BCKDHB: variants seen among roughly 807,000 people sequenced by gnomAD.
The protein encoded by BCKDHB is branched chain keto acid dehydrogenase E1 subunit beta, also known as 2-oxoisovalerate dehydrogenase subunit beta, mitochondrial.
BCKDHB carries 41 observed loss-of-function variants against 48.5 expected under a neutral mutation model. The observed-to-expected ratio is 0.85, with a 90% CI of 0.66 to 1.10. The LOEUF is 1.10. BCKDHB is among the 50% of genes least tolerant of loss of function. The probability of loss-of-function intolerance (pLI) is 0.00; values close to 1 mark genes in which losing one functional copy is unlikely to be tolerated. For missense variants in BCKDHB, 496 were observed against 494.2 expected (o/e 1.00, Z -0.03); for synonymous variants, 201 against 174.8 (o/e 1.15, Z -1.18).
intron 8 of BCKDHB, among the ~76,000 whole-genome samples, chr6:80,230,782 G>A (rs1190555255): frequency 1.3e-5 from 2 of 152,180 alleles, no homozygotes; most frequent in Non-Finnish European, 2.9e-5. Flanking sequence ...GCAAGAGAGA[G>A]AAGGAAGGGG....
At chr6:80,170,014 C>T in intron 5 of BCKDHB, 1 of 1,114,630 alleles carries the variant, frequency 9.0e-7, no homozygotes, top group East Asian at 3.2e-5. Context: ...TTCTCTTTTC[C>T]TCCTTCATTT....
At chr6:80,455,948 G>C in the BCKDHB span, among the ~76,000 whole-genome samples, 6 of 152,142 alleles carry the variant, frequency 3.9e-5, no homozygotes, top group African/African-American at 1.4e-4. Flanking sequence ...ACCTTCGCTG[G>C]GCGCGGTGGC....
At chr6:80,110,801 T>G (rs1769371766) in intron 1 of BCKDHB, among the ~76,000 whole-genome samples, 1 of 152,230 alleles carries the variant, frequency 6.6e-6, no homozygotes, top group Non-Finnish European at 1.5e-5. Context: ...CTTTCCTTGC[T>G]TCCAGCTTAA....
chr6:80,127,082 C>T (rs779837030), intron 1 of BCKDHB, among the ~76,000 whole-genome samples: 24 of 152,186 alleles, frequency 1.6e-4, no homozygotes, highest in Non-Finnish European at 2.2e-4. Flanking sequence ...CCAGCAGTTC[C>T]GGGTACCAAA....
intron 9 of BCKDHB, among the ~76,000 whole-genome samples, chr6:80,292,334 A>G (rs1276803281): frequency 2.0e-5 from 3 of 152,238 alleles, no homozygotes; most frequent in Non-Finnish European, 4.4e-5. Context: ...ACAGTTCCAC[A>G]TGGCTGGAGA....
the BCKDHB span, among the ~76,000 whole-genome samples, chr6:80,385,859 G>A: frequency 7.2e-5 from 11 of 152,294 alleles, no homozygotes; most frequent in Middle Eastern, 3.4e-3. Flanking sequence ...AATGGTGGAA[G>A]CAACATAGAG....
chr6:80,382,700 A>G, the BCKDHB span, among the ~76,000 whole-genome samples: 3 of 152,146 alleles, frequency 2.0e-5, no homozygotes, highest in African/African-American at 7.2e-5. Context: ...ATATATATAT[A>G]TATTCATTTC....
the BCKDHB span, among the ~76,000 whole-genome samples, chr6:80,396,049 A>G: frequency 6.6e-6 from 1 of 152,232 alleles, no homozygotes; most frequent in South Asian, 2.1e-4. Context: ...AGTTTGCTGT[A>G]GAGGCAGAGC....
intron 8 of BCKDHB, among the ~76,000 whole-genome samples, chr6:80,204,145 A>T (rs796631735): frequency 2.0e-5 from 3 of 152,240 alleles, no homozygotes; most frequent in African/African-American, 7.2e-5. Flanking sequence ...TGGCATTTTC[A>T]TAGCTTTTAC....
chr6:80,404,265 G>C, the BCKDHB span, among the ~76,000 whole-genome samples: 1 of 151,810 alleles, frequency 6.6e-6, no homozygotes, highest in East Asian at 1.9e-4. Flanking sequence ...CTTGTTATTG[G>C]TCCATTCAGG....
At chr6:80,349,746 C>CT (rs1770343688), downstream of BCKDHB, among the ~76,000 whole-genome samples, 1 of 151,892 alleles carries the variant, frequency 6.6e-6, no homozygotes. Flanking sequence ...CAGTTAAATC[C>CT]TTTATGTTAC....
chr6:80,428,835 G>A, the BCKDHB span, among the ~76,000 whole-genome samples: 2 of 152,104 alleles, frequency 1.3e-5, no homozygotes, highest in Non-Finnish European at 2.9e-5. Context: ...TGTTCACTCT[G>A]ATGATAGTTT....
chr6:80,396,424 G>A, the BCKDHB span, among the ~76,000 whole-genome samples: 1 of 152,200 alleles, frequency 6.6e-6, no homozygotes, highest in East Asian at 1.9e-4. Context: ...TGTCCCAGAT[G>A]ACACTTTGGA....
chr6:80,289,452 C>T (rs1035538875), intron 9 of BCKDHB, among the ~76,000 whole-genome samples: 1 of 152,010 alleles, frequency 6.6e-6, no homozygotes, highest in African/African-American at 2.4e-5. Flanking sequence ...AGTGCAGCTC[C>T]CACTGAGAGA....
intron 8 of BCKDHB, among the ~76,000 whole-genome samples, chr6:80,233,185 A>G (rs1469039161): frequency 2.0e-5 from 3 of 152,064 alleles, no homozygotes; most frequent in Non-Finnish European, 4.4e-5. Flanking sequence ...TTATCTCATT[A>G]ACATAGTAAG....
intron 8 of BCKDHB, among the ~76,000 whole-genome samples, chr6:80,214,452 T>G (rs1048331405): frequency 1.3e-5 from 2 of 152,224 alleles, no homozygotes; most frequent in Admixed American, 1.3e-4. Context: ...TACTTGAACT[T>G]AAGTGAATAA....
chr6:80,230,303 G>A (rs866333833), intron 8 of BCKDHB, among the ~76,000 whole-genome samples: 1 of 151,980 alleles, frequency 6.6e-6, no homozygotes, highest in Middle Eastern at 3.4e-3. Context: ...CTCCCAAAGT[G>A]CTGGGATTAC....
intron 8 of BCKDHB, among the ~76,000 whole-genome samples, chr6:80,215,983 G>C (rs778038943): frequency 6.6e-6 from 1 of 152,114 alleles, no homozygotes; most frequent in Non-Finnish European, 1.5e-5. Flanking sequence ...CTCGTGATCC[G>C]CCTACCTCGG....
chr6:80,201,807 G>T (rs1582343996), intron 7 of BCKDHB, among the ~76,000 whole-genome samples: 1 of 152,008 alleles, frequency 6.6e-6, no homozygotes, highest in East Asian at 1.9e-4. Flanking sequence ...TTCTTTTACA[G>T]ATATGGTCAG....
Sources: allele counts gnomAD v4.1 joint callset (sites outside exome capture counted in the v4.1 genomes callset), GRCh38; gene constraint gnomAD v4.1.1; transcripts MANE v1.5; gene names NCBI Gene and HGNC (gene_info 2026-07-23, HGNC 2026-07-21).